USP42: variants seen among roughly 807,000 people sequenced by gnomAD.
The protein encoded by USP42 is ubiquitin specific peptidase 42, also known as ubiquitin carboxyl-terminal hydrolase 42.
A neutral mutation model predicts 113.0 loss-of-function variants in USP42; 23 were observed. That is an observed-to-expected ratio of 0.20 (90% confidence interval 0.15 to 0.29). The LOEUF is 0.29. Among genes scored for constraint, USP42 ranks in the 10% least tolerant of loss-of-function variants. The probability of loss-of-function intolerance (pLI) is 1.00; values close to 1 mark genes in which losing one functional copy is unlikely to be tolerated. For synonymous variants in USP42, 933 were observed against 699.0 expected (o/e 1.33, Z -5.28); for missense variants, 2,174 against 1,779.8 (o/e 1.22, Z -3.99).
chr7:6,145,194 G>A (rs1304312317), intron 9 of USP42, among the ~76,000 whole-genome samples: 4 of 152,044 alleles, frequency 2.6e-5, no homozygotes, highest in Non-Finnish European at 4.4e-5. Flanking sequence ...TTAGCTGGGC[G>A]TGGTGGCGCA....
the USP42 span, among the ~76,000 whole-genome samples, chr7:6,082,603 G>GTTTTTTTTTTTTT: frequency 4.7e-4 from 42 of 90,184 alleles, 3 homozygotes; most frequent in African/African-American, 8.8e-4. Context: ...CTTTCTTTCT[G>GTTTTTTTTTTTTT]TTTTTTTTTT....
chr7:6,115,670 CAGGATT>C, intron 3 of USP42, 147 bp downstream of exon 3: 1 of 977,124 alleles, frequency 1.0e-6, no homozygotes, highest in Non-Finnish European at 1.5e-6. Flanking sequence ...GAGGAGGACT[CAGGATT>C]GGGATTCAGG....
At chr7:6,155,516 C>T (rs190835563) in intron 15 of USP42, among the ~76,000 whole-genome samples, 1 of 152,268 alleles carries the variant, frequency 6.6e-6, no homozygotes, top group African/African-American at 2.4e-5. Context: ...CATCAATGAA[C>T]AATTGGGAGT....
intron 1 of USP42, among the ~76,000 whole-genome samples, chr7:6,105,886 G>T (rs1249765959): frequency 6.6e-6 from 1 of 152,168 alleles, no homozygotes; most frequent in Non-Finnish European, 1.5e-5. Context: ...AGGCCGTGGG[G>T]TCACTTGTTT....
Position 6,156,847 on chromosome 7 carries a change from A to G in USP42, c.3735A>G (p.Arg1245=), listed in dbSNP as rs544685491. The change falls in exon 16 of 18, where the codon AGA becomes AGG. Residue 1245 remains arginine (R), a synonymous_variant. Transcript: ENST00000306177. ...KKKKKKKRHS[R]KSEDFVKDSE... The stretch of plus-strand genomic sequence containing the variant: ...AGAAGAAAAAGAAGAGACATTCAAG[A>G]AAATCAGAGGACTTTGTTAAAGATT... 6.2e-7 allele frequency: 1 copy of G among 1,609,954 alleles called. No homozygotes were observed. Among genetic ancestry groups the G allele is most frequent in the African/African-American group, 1.3e-5 (1 of 74,492 alleles).
intron 3 of USP42, among the ~76,000 whole-genome samples, chr7:6,126,948 G>A (rs1270594419): frequency 6.6e-6 from 1 of 152,228 alleles, no homozygotes; most frequent in Admixed American, 6.5e-5. Context: ...AACTGCCAAA[G>A]CAATATATGA....
chr7:6,135,820 G>T (rs1223154458), intron 3 of USP42, 21 bp from the exon 4 acceptor site: 5 of 1,536,752 alleles, frequency 3.3e-6, no homozygotes, highest in Non-Finnish European at 4.4e-6. Context: ...CTAATTTGGA[G>T]GATTATCATC....
At chr7:6,115,844 A>G (rs1779881699) in intron 3 of USP42, among the ~76,000 whole-genome samples, 1 of 152,150 alleles carries the variant, frequency 6.6e-6, no homozygotes, top group Non-Finnish European at 1.5e-5. Flanking sequence ...CACACCTGTA[A>G]TCCCAGCACT....
chr7:6,143,142 G>T (rs1441892832), intron 8 of USP42, 128 bp downstream of exon 8: 2 of 848,558 alleles, frequency 2.4e-6, no homozygotes, highest in Non-Finnish European at 3.8e-6. Flanking sequence ...AAGACACTGC[G>T]TCCCTGTCGT....
rs779042117 is a variant in USP42, at chr7:6,146,171, A to G, written c.1155A>G (p.Gln385=). ...AGGCTAGCAATGGCCTCTGGTATCAAATGAATGACTCCATTGTATCTACCA... is the reference window on the plus strand; with the variant it reads ...AGGCTAGCAATGGCCTCTGGTATCAGATGAATGACTCCATTGTATCTACCA... ...YIKASNGLWY[Q]MNDSIVSTSD... Residue 385 remains glutamine, a synonymous_variant, in exon 11 of 18, where the codon CAA becomes CAG. Coordinates refer to ENST00000306177, the MANE Select transcript of USP42 (RefSeq NM_032172.3). 3.9e-5 allele frequency: 62 copies of G among 1,600,242 alleles called. No homozygotes were observed. In the East Asian group the frequency reaches 1.0e-3, roughly 26 times the overall value.
rs891139161 is a variant in USP42 at position 6,154,364 on chromosome 7, C to T, written c.2810C>T (p.Pro937Leu). 8.3e-6 allele frequency: 13 copies of T among 1,575,026 alleles called. No individual in the cohort carries two copies. The highest frequency in any genetic ancestry group is 3.5e-5 in the South Asian group (3 of 86,112). ...AAAPKAPGPS[P>L]AKEKIGSLRK... ...GCGCCGAAAGCCCCAGGCCCTTCCC[C>T]AGCGAAGGAGAAAATCGGCAGCCTC... Residue 937 changes from proline to leucine, a missense_variant, in exon 15 of 18, where the codon CCA becomes CTA. By Grantham distance (98) the Pro-to-Leu change is moderately conservative (BLOSUM62 -3). Coordinates refer to ENST00000306177, the MANE Select transcript of USP42 (RefSeq NM_032172.3).
At chr7:6,097,740 G>A in the USP42 span, among the ~76,000 whole-genome samples, 14 of 147,756 alleles carry the variant, frequency 9.5e-5, no homozygotes, top group East Asian at 2.6e-3. Context: ...ACAGGCGGCC[G>A]CCACCATGCC....
At chr7:6,098,761 G>A in the USP42 span, among the ~76,000 whole-genome samples, 2 of 150,012 alleles carry the variant, frequency 1.3e-5, no homozygotes, top group Non-Finnish European at 3.0e-5. Context: ...GGCCAGGCTG[G>A]TCTTGAACTC....
chr7:6,117,610 G>A (rs1183865543), intron 3 of USP42, among the ~76,000 whole-genome samples: 2 of 152,172 alleles, frequency 1.3e-5, no homozygotes, highest in South Asian at 2.1e-4. Context: ...AACATTTTAA[G>A]AGACTTCCAG....
chr7:6,154,199 A>T lies in USP42; in HGVS notation c.2645A>T (p.Asp882Val), dbSNP rs756488869. Residue 882 changes from aspartate (D) to valine (V), a missense_variant, in exon 15 of 18, where the codon GAC (aspartate) becomes GTC (valine). Coordinates refer to ENST00000306177, the MANE Select transcript of USP42 (RefSeq NM_032172.3). The stretch of plus-strand genomic sequence containing the variant: ...CACCCCAGCGGGGACCACGCCCGGG[A>T]CGCTCAGGACCCATCCCAGAGCTTG... ...LVHPSGDHAR[D>V]AQDPSQSLGA... 40 of 1,602,608 alleles carry T rather than the reference A, an allele frequency of 2.5e-5. No individual in the cohort carries two copies. Among genetic ancestry groups the T allele is most frequent in the Non-Finnish European group, 3.1e-5 (37 of 1,176,682 alleles).
intron 7 of USP42, among the ~76,000 whole-genome samples, chr7:6,141,191 TTTTTC>T (rs1363259138): frequency 2.0e-5 from 3 of 149,714 alleles, no homozygotes; most frequent in Admixed American, 6.6e-5. Context: ...TTGAATTTTC[TTTTTC>T]TTTTCTTTTT....
In USP42 at chr7:6,156,609, C is replaced by G; in HGVS notation, c.3642-145C>G. 4.6e-6 allele frequency: 6 copies of G among 1,298,270 alleles called. No individual in the cohort carries two copies. The South Asian group carries it at 1.1e-4, about 25-fold the overall frequency. 80.4% of individuals were successfully genotyped at this position (1,298,270 alleles called of 1,614,324 possible). A position where few individuals can be genotyped will look rare whatever the true frequency, so the allele number is the denominator to read the frequency against. The stretch of plus-strand genomic sequence containing the variant: ...GGACTACAGGTGTGCGCCACCATAC[C>G]TGGCCTACGTGGCTAATTAGATAAG... On this transcript the variant is annotated intron_variant, in intron 15 of 17. Coordinates refer to ENST00000306177, the MANE Select transcript of USP42 (RefSeq NM_032172.3).
chr7:6,081,287 T>C, the USP42 span: 4 of 152,084 alleles, frequency 2.6e-5, no homozygotes, highest in African/African-American at 9.7e-5. Context: ...TGGACACACG[T>C]TCCCCAACAC....
chr7:6,138,633 G>A (rs889069428), intron 4 of USP42, among the ~76,000 whole-genome samples: 3 of 152,320 alleles, frequency 2.0e-5, no homozygotes, highest in Non-Finnish European at 4.4e-5. Flanking sequence ...AATGTGGCCT[G>A]TTAGGAACTG....
Sources: allele counts gnomAD v4.1 joint callset (sites outside exome capture counted in the v4.1 genomes callset), GRCh38; gene constraint gnomAD v4.1.1; transcripts MANE v1.5; gene names NCBI Gene and HGNC (gene_info 2026-07-23, HGNC 2026-07-21).